The following CTNNA2 variants were observed in gnomAD, a reference collection of about 807,000 sequenced individuals.
CTNNA2 encodes the protein catenin alpha 2.
CTNNA2 carries 42 observed loss-of-function variants against 101.0 expected under a neutral mutation model. That is an observed-to-expected ratio of 0.42 (90% CI 0.32 to 0.54). The LOEUF is 0.54. CTNNA2 is among the 20% of genes least tolerant of loss of function. CTNNA2 has a pLI of 0.14. For synonymous variants in CTNNA2, 450 were observed against 456.4 expected (o/e 0.99, Z 0.18); for missense variants, 871 against 1,223.1 (o/e 0.71, Z 4.29).
intron 6 of CTNNA2, among the ~76,000 whole-genome samples, chr2:79,894,044 CT>C (rs1684508937): frequency 1.5e-5 from 2 of 134,760 alleles, no homozygotes; most frequent in Non-Finnish European, 3.4e-5. Context: ...TCTTCTTCTT[CT>C]TCTTCTTCTT....
chr2:80,625,928 A>G (rs1056776711), intron 18 of CTNNA2, among the ~76,000 whole-genome samples: 2 of 151,666 alleles, frequency 1.3e-5, no homozygotes, highest in African/African-American at 2.4e-5. Context: ...ATTTTCAGAT[A>G]TATTAAACCC....
chr2:79,701,250 GC>G (rs1172094797), intron 2 of CTNNA2, among the ~76,000 whole-genome samples: 1 of 152,030 alleles, frequency 6.6e-6, no homozygotes, highest in Non-Finnish European at 1.5e-5. Flanking sequence ...TATACTACCT[GC>G]CCAGAATCAC....
chr2:79,489,922 G>T (rs1671192883), intron 4 of CTNNA2, among the ~76,000 whole-genome samples: 1 of 152,086 alleles, frequency 6.6e-6, no homozygotes, highest in Non-Finnish European at 1.5e-5. Context: ...TCTTGGCAGG[G>T]AATACTCATG....
At chr2:79,672,993 C>T (rs1010313533) in intron 2 of CTNNA2, among the ~76,000 whole-genome samples, 17 of 152,086 alleles carry the variant, frequency 1.1e-4, no homozygotes, top group Non-Finnish European at 2.5e-4. Flanking sequence ...CAGGTGTGAG[C>T]CACAGGGCAC....
At chr2:79,942,643 A>G (rs889575924) in intron 7 of CTNNA2, among the ~76,000 whole-genome samples, 9 of 152,156 alleles carry the variant, frequency 5.9e-5, no homozygotes, top group Non-Finnish European at 1.0e-4. Flanking sequence ...GTTCTTATAC[A>G]CTAAAGGACA....
intron 1 of CTNNA2, among the ~76,000 whole-genome samples, chr2:79,626,978 T>C (rs1029255359): frequency 1.3e-5 from 2 of 152,222 alleles, no homozygotes; most frequent in East Asian, 3.9e-4. Flanking sequence ...CGATTGTGAC[T>C]CTGATAAAGA....
At chr2:79,220,518 C>CG (rs1410458658) in intron 2 of CTNNA2, among the ~76,000 whole-genome samples, 1 of 151,956 alleles carries the variant, frequency 6.6e-6, no homozygotes, top group Admixed American at 6.6e-5. Flanking sequence ...AGACAGGCCA[C>CG]AGGAGTGCAT....
chr2:79,933,295 G>A (rs1407046195), intron 7 of CTNNA2, among the ~76,000 whole-genome samples: 1 of 152,100 alleles, frequency 6.6e-6, no homozygotes, highest in African/African-American at 2.4e-5. Flanking sequence ...TACCCACCAT[G>A]TTACGGGCTA....
At chr2:80,180,617 C>G (rs930690246) in intron 7 of CTNNA2, among the ~76,000 whole-genome samples, 1 of 152,140 alleles carries the variant, frequency 6.6e-6, no homozygotes, top group African/African-American at 2.4e-5. Context: ...GTAAGATCTG[C>G]CATACAGAGA....
Position 80,302,005 on chromosome 2 carries a change from CA to C in CTNNA2, c.1057-91205del. ...ATCTTCAAAGGGAGGAAGGAGTTCT[CA>C]TATGAAATTTAAGATAGACTGTCCT... On this transcript the variant is annotated intron_variant, in intron 7 of 18. Coordinates refer to ENST00000402739, the MANE Select transcript of CTNNA2 (RefSeq NM_001282597.3). This position sits in a 1 kb window ranked among gnomAD's most constrained non-coding sequence, Gnocchi z 6.4. The C allele has an allele frequency of 2.3e-6, 1 of 430,730 alleles. No homozygotes were observed. Among genetic ancestry groups the C allele is most frequent in the Non-Finnish European group, 4.1e-6 (1 of 246,400 alleles). The allele number at this position is 430,730 out of a possible 1,614,324, so 26.7% of individuals were successfully genotyped here.
At chr2:79,729,978 A>C (rs938673943) in intron 2 of CTNNA2, among the ~76,000 whole-genome samples, 1 of 152,176 alleles carries the variant, frequency 6.6e-6, no homozygotes, top group African/African-American at 2.4e-5. Context: ...TATGTCCTGC[A>C]TACTGTAATA....
chr2:80,162,488 T>C, intron 7 of CTNNA2: 1 of 1,602,716 alleles, frequency 6.2e-7, no homozygotes, highest in Non-Finnish European at 8.5e-7. Flanking sequence ...TCTGCTACTG[T>C]CTCTTCTGTT....
intron 3 of CTNNA2, among the ~76,000 whole-genome samples, chr2:79,751,021 T>C (rs1671997295): frequency 1.3e-5 from 2 of 152,146 alleles, no homozygotes; most frequent in Non-Finnish European, 2.9e-5. Context: ...GTTAAGTATA[T>C]ACTGGGCAGT....
chr2:79,620,941 G>T (rs1223963822), intron 1 of CTNNA2, among the ~76,000 whole-genome samples: 1 of 152,170 alleles, frequency 6.6e-6, no homozygotes, highest in South Asian at 2.1e-4. Context: ...CAGTTGATCA[G>T]CAGTGGATGA....
chr2:79,408,271 A>C (rs1678361866), intron 4 of CTNNA2, among the ~76,000 whole-genome samples: 1 of 148,514 alleles, frequency 6.7e-6, no homozygotes, highest in Non-Finnish European at 1.5e-5. Flanking sequence ...TGATTTTCAC[A>C]GAGAACATAA....
intron 7 of CTNNA2, among the ~76,000 whole-genome samples, chr2:80,028,797 G>A (rs1412867347): frequency 1.3e-5 from 2 of 152,208 alleles, no homozygotes. Context: ...AGTGGGCCAA[G>A]GGCCAGGGAA....
chr2:79,400,077 T>C lies in CTNNA2; in HGVS notation c.-135+26064T>C, dbSNP rs62159368. On this transcript the variant is annotated intron_variant, in intron 4 of 21. Coordinates refer to the CTNNA2 transcript ENST00000466387. ...TCAATATATGTAAGATGTACATTGG[T>C]TTGGTCCAGAAAGGCAGGACAACTC... Among the ~76,000 whole-genome samples, 199 of 152,032 alleles carry C rather than the reference T, an allele frequency of 1.3e-3. 2 individuals are homozygous for C. The highest frequency in any genetic ancestry group is 1.3e-3 in the Non-Finnish European group (89 of 67,926).
chr2:79,649,488 C>T (rs911221227), intron 1 of CTNNA2: 4 of 154,740 alleles, frequency 2.6e-5, no homozygotes, highest in African/African-American at 9.6e-5. Context: ...ACTAAGATCA[C>T]TTAGGTAGGT....
At chr2:80,535,751 C>T (rs567763092) in intron 9 of CTNNA2, among the ~76,000 whole-genome samples, 1 of 152,292 alleles carries the variant, frequency 6.6e-6, no homozygotes, top group East Asian at 1.9e-4. Flanking sequence ...GCATCCTTCC[C>T]TGATCAAATT....
Sources: allele counts gnomAD v4.1 joint callset (sites outside exome capture counted in the v4.1 genomes callset), GRCh38; gene constraint gnomAD v4.1.1; non-coding constraint Gnocchi (gnomAD v3.1); transcripts MANE v1.5; gene names NCBI Gene and HGNC (gene_info 2026-07-23, HGNC 2026-07-21).